CENPN: variants seen among roughly 807,000 people sequenced by gnomAD.
CENPN encodes centromere protein N.
Under a neutral mutation model 48.6 loss-of-function variants are expected in CENPN, and 36 were observed. That is an observed-to-expected ratio of 0.74 (90% CI 0.57 to 0.98). The LOEUF is 0.98. Among genes scored for constraint, CENPN ranks in the 50% least tolerant of loss-of-function variants. CENPN has a pLI of 0.00. For missense variants in CENPN, 439 were observed against 399.2 expected (o/e 1.10, Z -0.85); for synonymous variants, 166 against 135.2 (o/e 1.23, Z -1.58).
chr16:81,022,282 T>TA (rs1970251650), intron 6 of CENPN: 2 of 293,444 alleles, frequency 6.8e-6, no homozygotes, highest in Non-Finnish European at 1.3e-5. Flanking sequence ...AGATGACTGA[T>TA]ATTCAAAAAC....
intron 4 of CENPN, 142 bp downstream of exon 4, chr16:81,017,527 A>G: frequency 1.4e-6 from 1 of 699,736 alleles, no homozygotes; most frequent in South Asian, 1.8e-5. Flanking sequence ...AAAAAATAGC[A>G]GTATGTTCCT....
At chr16:81,014,530 A>T (rs1474040195) in intron 3 of CENPN, 2 of 207,990 alleles carry the variant, frequency 9.6e-6, no homozygotes, top group South Asian at 2.5e-4. Flanking sequence ...TCCCAGAAGC[A>T]ATTTTGTATA....
intron 2 of CENPN, 58 bp downstream of exon 2, chr16:81,012,168 T>G (rs988943339): frequency 6.1e-6 from 9 of 1,466,598 alleles, no homozygotes; most frequent in Non-Finnish European, 8.5e-6. Context: ...GGGTTTTTCT[T>G]TCTTCTATTC....
rs367718458 is a variant in CENPN at position 81,029,689 on chromosome 16, C to T, written c.*1038C>T. ...CTCCTGGGTTGAAGAGATTCTCCTG[C>T]CTCAGCCTCTGAGTAGCTGGGACTA... On this transcript the variant is annotated 3_prime_UTR_variant, in exon 11 of 11. Transcript: ENST00000305850. Among the ~76,000 whole-genome samples, 37 of 152,286 alleles carry T rather than the reference C, an allele frequency of 2.4e-4. No homozygotes were observed. Among genetic ancestry groups the T allele is most frequent in the African/African-American group, 7.9e-4 (33 of 41,570 alleles).
intron 1 of CENPN, among the ~76,000 whole-genome samples, chr16:81,011,264 T>C (rs1969729252): frequency 6.6e-6 from 1 of 152,210 alleles, no homozygotes; most frequent in Admixed American, 6.5e-5. Flanking sequence ...CTATGATGCC[T>C]ACTCTCTCCA....
chr16:81,012,515 A>T (rs1403886741), intron 2 of CENPN, among the ~76,000 whole-genome samples: 3 of 152,238 alleles, frequency 2.0e-5, no homozygotes, highest in African/African-American at 7.2e-5. Context: ...AAATGTTTTC[A>T]GACTATCAGA....
intron 6 of CENPN, among the ~76,000 whole-genome samples, chr16:81,021,474 T>G (rs1302926214): frequency 6.6e-6 from 1 of 152,168 alleles, no homozygotes; most frequent in East Asian, 1.9e-4. Context: ...CATCATGTCC[T>G]GTCACTCCAC....
At chr16:81,022,561 A>G in intron 6 of CENPN, 36 bp from the exon 7 acceptor site, 1 of 1,529,386 alleles carries the variant, frequency 6.5e-7, no homozygotes, top group Non-Finnish European at 9.1e-7. Context: ...CAGAGGCAGT[A>G]ATCCTAGTAA....
Position 81,020,436 on chromosome 16 carries a change from T to G in CENPN, c.531+160T>G, listed in dbSNP as rs867077198. 34 of 647,202 alleles carry G rather than the reference T, an allele frequency of 5.3e-5. No individual in the cohort carries two copies. In the African/African-American group the frequency reaches 6.2e-4, roughly 12 times the overall value. The allele number at this position is 647,202 out of a possible 1,614,324, so 40.1% of individuals were successfully genotyped here. On this transcript the variant is annotated intron_variant, in intron 6 of 10. Transcript: ENST00000305850. The stretch of plus-strand genomic sequence containing the variant: ...TACTTGGGAGGCTGAAGTGGGAGGA[T>G]TGCTCGTGCCCACGAGTCCAAGGCT...
Position 81,014,118 on chromosome 16 carries a change from AT to A in CENPN, c.172-15del, listed in dbSNP as rs1969847314. The A allele has an allele frequency of 6.2e-7, 1 of 1,609,914 alleles. No homozygotes were observed. The highest frequency in any genetic ancestry group is 1.1e-5 in the South Asian group (1 of 91,012). On this transcript the variant is annotated splice_polypyrimidine_tract_variant and intron_variant, in intron 2 of 10. Coordinates refer to ENST00000305850, the MANE Select transcript of CENPN (RefSeq NM_001100624.3). The stretch of plus-strand genomic sequence containing the variant: ...AACCTATAACCACAGTTACTAAATA[AT>A]TTGTTTTCTCTTTTAGGAAAAGCGT...
chr16:81,009,797 T>A (rs1969667939), intron 1 of CENPN, among the ~76,000 whole-genome samples: 1 of 152,254 alleles, frequency 6.6e-6, no homozygotes, highest in Non-Finnish European at 1.5e-5. Flanking sequence ...AACAGATGAC[T>A]GACAGGCTTG....
chr16:81,028,546 CT>C (rs10579473), intron 10 of CENPN, 22 bp from the exon 11 acceptor site: 59,379 of 1,558,484 alleles, frequency 0.038, 553 homozygotes, highest in East Asian at 0.21. Flanking sequence ...TTCTTTTTCC[CT>C]TTTTTTTTTT....
At chr16:81,010,708 C>T (rs1432101870) in intron 1 of CENPN, among the ~76,000 whole-genome samples, 1 of 152,226 alleles carries the variant, frequency 6.6e-6, no homozygotes, top group African/African-American at 2.4e-5. Context: ...GAGCTTTCTC[C>T]TGCCTCTCTC....
chr16:81,012,901 G>A (rs574472530), intron 2 of CENPN, among the ~76,000 whole-genome samples: 3 of 152,084 alleles, frequency 2.0e-5, no homozygotes, highest in African/African-American at 4.8e-5. Flanking sequence ...GGCCTCCTTT[G>A]CTTTTAAATA....
At chr16:81,022,798 T>G (rs1386373888) in intron 7 of CENPN, 100 bp downstream of exon 7, 1 of 1,613,880 alleles carries the variant, frequency 6.2e-7, no homozygotes, top group East Asian at 2.2e-5. Context: ...CAAGAGGAGA[T>G]CATTTTAGAT....
Position 81,030,153 on chromosome 16 carries a change from T to A in CENPN, c.*1502T>A. 1 of 966,978 alleles carries A rather than the reference T, an allele frequency of 1.0e-6. No homozygotes were observed. Among genetic ancestry groups the A allele is most frequent in the Non-Finnish European group, 1.2e-6 (1 of 813,284 alleles). The allele number at this position is 966,978 out of a possible 1,614,324, so 59.9% of individuals were successfully genotyped here. ...TCCACCTGGCCCTGCCCTTGTCACA[T>A]GGGGGTTATTACAATTCAAGGTGAC... On this transcript the variant is annotated 3_prime_UTR_variant, in exon 11 of 11. Coordinates refer to ENST00000305850, the MANE Select transcript of CENPN (RefSeq NM_001100624.3).
In CENPN at chr16:81,011,870, A is replaced by C. The variant is rs150529113; in HGVS notation, c.-10-60A>C. On this transcript the variant is annotated intron_variant, in intron 1 of 10. Coordinates refer to ENST00000305850, the MANE Select transcript of CENPN (RefSeq NM_001100624.3). The stretch of plus-strand genomic sequence containing the variant: ...ATATGTGTATGTGTATGTGTAAATA[A>C]AGACAGACAAGTATTGTATTTGGTT... 665 of 1,378,648 alleles carry C rather than the reference A, an allele frequency of 4.8e-4. 3 individuals carry two copies. The African/African-American group carries it at 8.6e-3, about 18-fold the overall frequency. The allele number at this position is 1,378,648 out of a possible 1,614,324, so 85.4% of individuals were successfully genotyped here.
intron 4 of CENPN, 76 bp downstream of exon 4, chr16:81,017,461 G>T: frequency 2.0e-6 from 2 of 1,001,600 alleles, no homozygotes; most frequent in Non-Finnish European, 3.1e-6. Context: ...AGCGAGCTGA[G>T]ATTGCACCAC....
chr16:81,011,738 C>T (rs1056310561), intron 1 of CENPN, among the ~76,000 whole-genome samples, 192 bp from the exon 2 acceptor site: 2 of 152,190 alleles, frequency 1.3e-5, no homozygotes. Context: ...CGCAGTAGCT[C>T]ACGCCTGTAA....
Sources: allele counts gnomAD v4.1 joint callset (sites outside exome capture counted in the v4.1 genomes callset), GRCh38; gene constraint gnomAD v4.1.1; transcripts MANE v1.5; gene names NCBI Gene and HGNC (gene_info 2026-07-23, HGNC 2026-07-21).